RBFOX1: variants seen among roughly 807,000 people sequenced by gnomAD.
RBFOX1 encodes RNA binding fox-1 homolog 1, also known as RNA binding protein fox-1 homolog 1.
A neutral mutation model predicts 57.7 loss-of-function variants in RBFOX1; 8 were observed. The observed-to-expected ratio is 0.14, with a 90% CI of 0.08 to 0.25. The LOEUF is 0.25. Ranked by LOEUF, RBFOX1 falls within the 10% of genes least tolerant of loss-of-function variation. RBFOX1 has a pLI of 1.00. For synonymous variants in RBFOX1, 326 were observed against 222.4 expected (o/e 1.47, Z -4.15); for missense variants, 611 against 548.5 (o/e 1.11, Z -1.14).
intron 1 of RBFOX1, among the ~76,000 whole-genome samples, chr16:6,283,643 C>G (rs1194900852): frequency 1.3e-5 from 2 of 152,208 alleles, no homozygotes; most frequent in Non-Finnish European, 2.9e-5. Flanking sequence ...ACCAGTTCAT[C>G]CCTTTGTCCC....
At chr16:6,024,400 G>C (rs1157080761) in intron 1 of RBFOX1, among the ~76,000 whole-genome samples, 1 of 152,212 alleles carries the variant, frequency 6.6e-6, no homozygotes, top group South Asian at 2.1e-4. Context: ...GGACATTCCA[G>C]AGAGGAGAGA....
At chr16:6,574,752 C>A (rs1190640023) in intron 2 of RBFOX1, among the ~76,000 whole-genome samples, 1 of 145,898 alleles carries the variant, frequency 6.9e-6, no homozygotes, top group Non-Finnish European at 1.5e-5. Context: ...GAACCAGCAA[C>A]CACGGGCTGG....
At chr16:6,588,372 G>T (rs1302677582) in intron 2 of RBFOX1, among the ~76,000 whole-genome samples, 1 of 151,988 alleles carries the variant, frequency 6.6e-6, no homozygotes. Flanking sequence ...AGTACTCTCG[G>T]CTGGGTGCGA....
chr16:7,014,493 C>A (rs902376468), intron 3 of RBFOX1, among the ~76,000 whole-genome samples: 5 of 151,854 alleles, frequency 3.3e-5, no homozygotes, highest in African/African-American at 1.2e-4. Flanking sequence ...GTGATCCACT[C>A]TCCTCCCACA....
At chr16:7,057,599 C>T (rs138800862) in intron 4 of RBFOX1, among the ~76,000 whole-genome samples, 2 of 152,222 alleles carry the variant, frequency 1.3e-5, no homozygotes, top group African/African-American at 4.8e-5. Context: ...GTTGTTCACT[C>T]TGGGCCAGTT....
At chr16:7,643,383 T>C (rs2063171166) in intron 11 of RBFOX1, among the ~76,000 whole-genome samples, 1 of 152,210 alleles carries the variant, frequency 6.6e-6, no homozygotes, top group Non-Finnish European at 1.5e-5. Flanking sequence ...CAAGTTGTAA[T>C]GTGATATTTG....
intron 3 of RBFOX1, among the ~76,000 whole-genome samples, chr16:5,651,040 C>CTTTTTTTTTTTTTTTTTTTTTTTTTTTT (rs869240597): frequency 1.8e-5 from 1 of 56,854 alleles, no homozygotes; most frequent in Non-Finnish European, 3.0e-5. Context: ...CTACCTCCTT[C>CTTTTTTTTTTTTTTTTTTTTTTTTTTTT]TTTTTTTTTT....
At chr16:5,557,723 AG>A (rs2045732848) in intron 2 of RBFOX1, among the ~76,000 whole-genome samples, 1 of 152,222 alleles carries the variant, frequency 6.6e-6, no homozygotes, top group Non-Finnish European at 1.5e-5. Flanking sequence ...TTGGTAGAAG[AG>A]GGTGGTACCC....
chr16:7,086,409 A>T (rs940247539), intron 4 of RBFOX1, among the ~76,000 whole-genome samples: 1 of 152,122 alleles, frequency 6.6e-6, no homozygotes, highest in African/African-American at 2.4e-5. Flanking sequence ...TTCTTTATCC[A>T]TATATCAATA....
At chr16:7,271,736 T>G (rs1603466329) in intron 4 of RBFOX1, among the ~76,000 whole-genome samples, 1 of 152,156 alleles carries the variant, frequency 6.6e-6, no homozygotes, top group Non-Finnish European at 1.5e-5. Flanking sequence ...AAGTCGGTCC[T>G]GCTTCTAGAA....
chr16:7,195,830 G>C (rs112197056), intron 4 of RBFOX1, among the ~76,000 whole-genome samples: 6 of 152,138 alleles, frequency 3.9e-5, no homozygotes, highest in Non-Finnish European at 8.8e-5. Context: ...TGGGGTTACA[G>C]GCATGAACCA....
At position 6,377,255 on chromosome 16, in the gene RBFOX1, C is replaced by G. The variant is rs1379217498; in HGVS notation, c.-64+60198C>G. Among the ~76,000 whole-genome samples the G allele has an allele frequency of 4.5e-5, 6 of 133,412 alleles. No individual in the cohort carries two copies. In the Admixed American group the frequency reaches 4.9e-4, roughly 11 times the overall value. The allele number at this position is 133,412 out of a possible 152,430, so 87.5% of individuals were successfully genotyped here. A position where few individuals can be genotyped will look rare whatever the true frequency, so the allele number is the denominator to read the frequency against. ...TGCAACTGCACTCCATCCTGAGTGA[C>G]AGAGTGAGACCCTGTCTCAAAAAAA... On this transcript the variant is annotated intron_variant, in intron 2 of 15. Coordinates refer to ENST00000550418, the MANE Select transcript of RBFOX1 (RefSeq NM_018723.4).
chr16:6,423,330 G>C (rs375573454), intron 2 of RBFOX1, among the ~76,000 whole-genome samples: 1 of 152,220 alleles, frequency 6.6e-6, no homozygotes, highest in Non-Finnish European at 1.5e-5. Context: ...CAGGCGTGGT[G>C]GCTCAGGCCT....
chr16:7,176,680 G>A (rs76535739), intron 4 of RBFOX1, among the ~76,000 whole-genome samples: 13,040 of 152,124 alleles, frequency 0.086, 773 homozygotes, highest in Non-Finnish European at 0.12. Context: ...AAAGGTTTCC[G>A]ATCCTTGTTC....
At chr16:7,700,308 C>G (rs749978302) in intron 14 of RBFOX1, among the ~76,000 whole-genome samples, 2 of 152,174 alleles carry the variant, frequency 1.3e-5, no homozygotes, top group Admixed American at 6.5e-5. Flanking sequence ...TCCTCTCACC[C>G]TCACTGTAGC....
intron 3 of RBFOX1, among the ~76,000 whole-genome samples, chr16:5,836,449 T>C (rs1200733321): frequency 1.3e-5 from 2 of 152,198 alleles, no homozygotes; most frequent in Admixed American, 6.5e-5. Flanking sequence ...TTGCTCCCCC[T>C]GTTCTGCTCC....
intron 2 of RBFOX1, among the ~76,000 whole-genome samples, chr16:5,550,899 G>A (rs73522772): frequency 0.026 from 3,986 of 152,262 alleles, 193 homozygotes; most frequent in African/African-American, 0.09. Context: ...GATCTTTAAA[G>A]AAAATGGTAT....
At chr16:6,831,556 G>T (rs112274477) in intron 3 of RBFOX1, among the ~76,000 whole-genome samples, 9,168 of 152,196 alleles carry the variant, frequency 0.06, 416 homozygotes, top group Non-Finnish European at 0.098. Context: ...ATCTAAAGAT[G>T]GGCAACTGTT....
intron 1 of RBFOX1, among the ~76,000 whole-genome samples, chr16:5,255,845 G>C (rs536076045): frequency 2.3e-4 from 35 of 152,010 alleles, no homozygotes; most frequent in African/African-American, 8.2e-4. Context: ...TGATTCCCTG[G>C]GCTCAAACTG....
Sources: allele counts gnomAD v4.1 joint callset (sites outside exome capture counted in the v4.1 genomes callset), GRCh38; gene constraint gnomAD v4.1.1; transcripts MANE v1.5; gene names NCBI Gene and HGNC (gene_info 2026-07-23, HGNC 2026-07-21).